Variants in SLC37A1 observed in about 807,000 individuals in gnomAD.
SLC37A1 encodes solute carrier family 37 member 1, also known as glucose-6-phosphate exchanger SLC37A1.
Under a neutral mutation model 75.3 loss-of-function variants are expected in SLC37A1, and 49 were observed. That is an observed-to-expected ratio of 0.65 (90% CI 0.52 to 0.83). The LOEUF is 0.83. Ranked by LOEUF, SLC37A1 falls within the 40% of genes least tolerant of loss-of-function variation. The pLI is 0.00. For missense variants in SLC37A1, 566 were observed against 695.0 expected, an observed-to-expected ratio of 0.81 and a Z score of 2.09; for synonymous variants, 268 against 292.1, an observed-to-expected ratio of 0.92 and a Z score of 0.84.
chr21:42,545,740 G>A lies in SLC37A1; in HGVS notation c.731-1363G>A, dbSNP rs943064621. Among the ~76,000 whole-genome samples, 1 of 152,220 alleles carries A rather than the reference G, an allele frequency of 6.6e-6. No homozygotes were observed. The highest frequency in any genetic ancestry group is 2.4e-5 in the African/African-American group (1 of 41,460). Reference sequence around the variant, plus strand: ...GAGTGGATACCGATGGGGTGAGTTGGCTGATGTCCTTTAAATTGGTGACCA... The same window carrying A: ...GAGTGGATACCGATGGGGTGAGTTGACTGATGTCCTTTAAATTGGTGACCA... On this transcript the variant is annotated intron_variant, in intron 8 of 19. Transcript: ENST00000352133. The surrounding 1 kb of genome is among the most constrained non-coding windows in gnomAD (Gnocchi z 4.0).
rs745763506 is a variant in SLC37A1, at chr21:42,579,763, C to T, written c.1549C>T (p.Leu517=). ...LFLIRLIHKE[L]SCPGSATGDQ... ...CCTGATCCGCCTCATACACAAGGAG[C>T]TGAGCTGCCCAGGGTCAGCTACGGG... The change falls in exon 19 of 20, where the codon CTG becomes TTG. Residue 517 remains leucine (L), a synonymous_variant. Transcript: ENST00000352133. 1 of 1,614,188 alleles carries T rather than the reference C, an allele frequency of 6.2e-7. No homozygotes were observed. The highest frequency in any genetic ancestry group is 8.5e-7 in the Non-Finnish European group (1 of 1,180,032).
chr21:42,500,812 C>T (rs753574093), intron 1 of SLC37A1, among the ~76,000 whole-genome samples: 9 of 152,028 alleles, frequency 5.9e-5, no homozygotes, highest in Non-Finnish European at 1.0e-4. Flanking sequence ...GATTCTTAAG[C>T]GTAAGTAGGT....
At chr21:42,566,291 A>G (rs111597810) in intron 15 of SLC37A1, among the ~76,000 whole-genome samples, 13,728 of 152,296 alleles carry the variant, frequency 0.09, 869 homozygotes, top group Non-Finnish European at 0.13. Flanking sequence ...CACGTCAGGT[A>G]GCCAGGAACC....
chr21:42,510,229 T>C (rs1220858691), upstream of SLC37A1, among the ~76,000 whole-genome samples: 3 of 152,190 alleles, frequency 2.0e-5, no homozygotes, highest in African/African-American at 7.2e-5. Flanking sequence ...GGTTTCACCA[T>C]GTTGGCCAGG....
chr21:42,574,085 T>C (rs1161271257), intron 17 of SLC37A1, among the ~76,000 whole-genome samples: 5 of 152,210 alleles, frequency 3.3e-5, no homozygotes, highest in African/African-American at 7.2e-5. Context: ...TCTGAACCAC[T>C]TAAGAGTAAG....
At chr21:42,554,728 CAG>C (rs1242245943) in intron 10 of SLC37A1, among the ~76,000 whole-genome samples, 1 of 152,220 alleles carries the variant, frequency 6.6e-6, no homozygotes, top group Non-Finnish European at 1.5e-5. Context: ...ATTCCGGACA[CAG>C]AAATGCTAAG....
In SLC37A1 at chr21:42,543,550, T is replaced by A; in HGVS notation, c.678T>A (p.Pro226=). Residue 226 remains proline (P), a synonymous_variant, in exon 8 of 20, where the codon CCT becomes CCA. Coordinates refer to ENST00000352133, the MANE Select transcript of SLC37A1 (RefSeq NM_001320537.2). ...STCWGLSFVV[P]GAIVAAMGIV... The stretch of plus-strand genomic sequence containing the variant: ...GCTGGGGCCTGTCCTTCGTCGTGCC[T>A]GGAGCCATCGTGGCAGCCATGGGGA... 3.1e-6 allele frequency: 5 copies of A among 1,613,536 alleles called. No homozygotes were observed. In the South Asian group the frequency reaches 4.4e-5, roughly 14 times the overall value.
At chr21:42,513,242 G>A (rs1399481073), upstream of SLC37A1, among the ~76,000 whole-genome samples, 2 of 152,322 alleles carry the variant, frequency 1.3e-5, no homozygotes, top group Non-Finnish European at 2.9e-5. Context: ...TGTGTGCCAG[G>A]GCACTGGCCC....
intron 7 of SLC37A1, 127 bp downstream of exon 7, chr21:42,542,607 C>T (rs1327285519): frequency 1.1e-6 from 1 of 903,414 alleles, no homozygotes; most frequent in Non-Finnish European, 1.7e-6. Flanking sequence ...GCTGAAACCT[C>T]TGGGGCTTGA....
rs538687159 is a variant in SLC37A1 at position 42,544,744 on chromosome 21, G to A, written c.730+1142G>A. 7.2e-5 allele frequency among the ~76,000 whole-genome samples: 11 copies of A among 152,344 alleles called. No individual in the cohort carries two copies. The South Asian group carries it at 2.3e-3, about 32-fold the overall frequency. ...CATGTGGCTTTCAGCTCTGGCTGGTGTGTCACTGCAGTTCTGAGAAAGGCC... is the reference window on the plus strand; with the variant it reads ...CATGTGGCTTTCAGCTCTGGCTGGTATGTCACTGCAGTTCTGAGAAAGGCC... On this transcript the variant is annotated intron_variant, in intron 8 of 19. Coordinates refer to ENST00000352133, the MANE Select transcript of SLC37A1 (RefSeq NM_001320537.2).
intron 17 of SLC37A1, 28 bp downstream of exon 17, chr21:42,568,466 G>A: frequency 6.2e-7 from 1 of 1,605,978 alleles, no homozygotes; most frequent in Non-Finnish European, 8.5e-7. Flanking sequence ...GCTCTGGGAG[G>A]TTTGGTGTCT....
chr21:42,542,010 A>G (rs887235269), intron 6 of SLC37A1, among the ~76,000 whole-genome samples: 5 of 152,218 alleles, frequency 3.3e-5, no homozygotes, highest in African/African-American at 1.2e-4. Context: ...CCAAAGTGCT[A>G]GAATTACAGG....
At chr21:42,524,027 A>T (rs1361529603) in intron 2 of SLC37A1, among the ~76,000 whole-genome samples, 1 of 152,302 alleles carries the variant, frequency 6.6e-6, no homozygotes, top group East Asian at 1.9e-4. Flanking sequence ...AGTAAATCAC[A>T]ACATTAAAAA....
intron 6 of SLC37A1, among the ~76,000 whole-genome samples, chr21:42,541,484 G>A (rs775630536): frequency 3.9e-5 from 6 of 152,192 alleles, no homozygotes; most frequent in African/African-American, 4.8e-5. Context: ...AGCCACCCCC[G>A]AGTCTCAAGA....
Position 42,580,360 on chromosome 21 carries a change from A to G in SLC37A1, c.1602A>G (p.Ter534TrpextTer32), listed in dbSNP as rs1456892004. ...TGDQVPFKEQ[*>W] is the part of the protein sequence containing the mutation. ...TTTCTTTCAGATTTAAGGAACAGTG[A>G]CACCCCACCCCAGTCCCGTGGAGGG... Residue 534 changes from the stop codon to tryptophan (W), a stop_lost, in exon 20 of 20, where the codon TGA becomes TGG. Transcript: ENST00000352133. 6.2e-7 allele frequency: 1 copy of G among 1,613,346 alleles called. No individual in the cohort carries two copies. Among genetic ancestry groups the G allele is most frequent in the Non-Finnish European group, 8.5e-7 (1 of 1,179,828 alleles).
chr21:42,518,660 T>A, intron 2 of SLC37A1, 150 bp downstream of exon 2: 1 of 887,318 alleles, frequency 1.1e-6, no homozygotes, highest in Non-Finnish European at 1.8e-6. Flanking sequence ...TTTTTGGTGG[T>A]GGAAGCCGTG....
chr21:42,563,972 AGGTCTCATATCCCCTGAGTG>A lies in SLC37A1; in HGVS notation c.1135+98_1135+117del, dbSNP rs1362452604. The A allele has an allele frequency of 5.0e-6, 7 of 1,398,410 alleles. 1 individual carries two copies. In the African/African-American group the frequency reaches 7.1e-5, roughly 14 times the overall value. 86.6% of individuals were successfully genotyped at this position (1,398,410 alleles called of 1,614,324 possible). On this transcript the variant is annotated intron_variant, in intron 13 of 19. Transcript: ENST00000352133. The stretch of plus-strand genomic sequence containing the variant: ...CTGCTCAGGGGAACAGGGTTCCCCA[AGGTCTCATATCCCCTGAGTG>A]GGCCCAGCCCAAGAGGGTCAGGCCG...
At chr21:42,524,877 C>T (rs956380762) in intron 2 of SLC37A1, among the ~76,000 whole-genome samples, 2 of 152,098 alleles carry the variant, frequency 1.3e-5, no homozygotes, top group African/African-American at 4.8e-5. Flanking sequence ...TGTGGCGGGC[C>T]CCAGGACAAC....
chr21:42,572,436 T>A (rs552025206), intron 17 of SLC37A1, among the ~76,000 whole-genome samples: 1 of 152,236 alleles, frequency 6.6e-6, no homozygotes, highest in Non-Finnish European at 1.5e-5. Flanking sequence ...TGTAGGCTTT[T>A]CTGGATTAAT....
Sources: gnomAD v4.1 joint callset for allele counts (sites outside exome capture counted in the v4.1 genomes callset) on GRCh38, gnomAD v4.1.1 for gene constraint, Gnocchi (gnomAD v3.1) non-coding constraint, MANE v1.5 for transcripts, NCBI Gene and HGNC (gene_info 2026-07-23, HGNC 2026-07-21) for gene names.